The following AIRE variants were observed in gnomAD, a reference collection of about 807,000 sequenced individuals.
AIRE encodes the protein autoimmune regulator.
In AIRE, 52 loss-of-function variants were observed where a neutral mutation model predicts 62.1. The ratio of observed to expected loss-of-function variants is 0.84; its 90% confidence interval spans 0.67 to 1.06. The LOEUF (loss-of-function observed/expected upper bound fraction) is 1.06. Among genes scored for constraint, AIRE ranks in the 50% least tolerant of loss-of-function variants. The probability of loss-of-function intolerance (pLI) is 0.00; values close to 1 mark genes in which losing one functional copy is unlikely to be tolerated. For synonymous variants in AIRE, 342 were observed against 321.6 expected (o/e 1.06, Z -0.68); for missense variants, 774 against 755.8 (o/e 1.02, Z -0.28).
At chr21:44,290,372 CAGG>C in intron 7 of AIRE, 1 of 985,436 alleles carries the variant, frequency 1.0e-6, no homozygotes, top group Non-Finnish European at 1.2e-6. Context: ...CTGCTATAGC[CAGG>C]AGGTCAAGGA....
intron 10 of AIRE, 96 bp from the exon 11 acceptor site, chr21:44,293,693 T>C (rs2040569357): frequency 1.3e-5 from 20 of 1,567,698 alleles, no homozygotes; most frequent in Non-Finnish European, 1.7e-5. Context: ...CGTCCAGCCC[T>C]GGGTGGTCCC....
rs1254160382 is a variant in AIRE, at chr21:44,287,509, C to T, written c.464-8C>T. ...GGAGGCCAGGCTGCCCCCAGCTCCCCCATTCAGGCTCTCAACTGAAGGCCA... is the reference window on the plus strand; with the variant it reads ...GGAGGCCAGGCTGCCCCCAGCTCCCTCATTCAGGCTCTCAACTGAAGGCCA... On this transcript the variant is annotated splice_polypyrimidine_tract_variant and splice_region_variant and intron_variant, in intron 3 of 13. Transcript: ENST00000291582. This position sits in a 1 kb window ranked among gnomAD's most constrained non-coding sequence, Gnocchi z 4.3. The T allele has an allele frequency of 1.3e-6, 2 of 1,551,128 alleles. No individual in the cohort carries two copies. The highest frequency in any genetic ancestry group is 1.7e-6 in the Non-Finnish European group (2 of 1,147,384).
chr21:44,290,309 G>T (rs1234952658), intron 7 of AIRE: 16 of 985,344 alleles, frequency 1.6e-5, no homozygotes, highest in Non-Finnish European at 1.8e-5. Context: ...ATGGCGTTTG[G>T]TCCAGGCTGT....
At position 44,286,468 on chromosome 21, in the gene AIRE, G is replaced by T; in HGVS notation, c.133-89G>T. ...GTCCAGGTCGCCAGCGCCTCTGCCT[G>T]GGAGCTCCACCCTCTAGTCATGATG... On this transcript the variant is annotated intron_variant, in intron 1 of 13. Transcript: ENST00000291582. The surrounding 1 kb of genome is among the most constrained non-coding windows in gnomAD (Gnocchi z 6.0). 1 of 1,431,324 alleles carries T rather than the reference G, an allele frequency of 7.0e-7. No individual in the cohort carries two copies. Among genetic ancestry groups the T allele is most frequent in the Non-Finnish European group, 9.5e-7 (1 of 1,048,918 alleles). The allele number at this position is 1,431,324 out of a possible 1,614,324, so 88.7% of individuals were successfully genotyped here. A position where few individuals can be genotyped will look rare whatever the true frequency, so the allele number is the denominator to read the frequency against.
chr21:44,289,496 A>G, intron 5 of AIRE, 161 bp from the exon 6 acceptor site: 1 of 725,158 alleles, frequency 1.4e-6, no homozygotes, highest in Non-Finnish European at 2.0e-6. Flanking sequence ...ATCCAGGACA[A>G]TCCCCGGGCC....
chr21:44,286,015 G>C lies in AIRE; in HGVS notation c.9G>C (p.Thr3=). The C allele has an allele frequency of 6.5e-7, 1 of 1,531,830 alleles. No individual in the cohort carries two copies. The highest frequency in any genetic ancestry group is 8.7e-7 in the Non-Finnish European group (1 of 1,144,138). 94.9% of individuals were successfully genotyped at this position (1,531,830 alleles called of 1,614,324 possible). MA[T]DAALRRLLRL... is the part of the protein sequence containing the mutation. ...GTCCCCGCGCCCACCCCATGGCGAC[G>C]GACGCGGCGCTACGCCGGCTTCTGA... The change falls in exon 1 of 14, where the codon ACG becomes ACC. Residue 3 remains threonine (T), a synonymous_variant. Coordinates refer to ENST00000291582, the MANE Select transcript of AIRE (RefSeq NM_000383.4). This position sits in a 1 kb window ranked among gnomAD's most constrained non-coding sequence, Gnocchi z 6.0.
Position 44,292,190 on chromosome 21 carries a change from TC to T in AIRE, c.996-107del, listed in dbSNP as rs531232929. 1,881 of 849,730 alleles carry T rather than the reference TC, an allele frequency of 2.2e-3. 4 individuals are homozygous for T. Among genetic ancestry groups the T allele is most frequent in the Non-Finnish European group, 3.2e-3 (1,625 of 507,782 alleles). 52.6% of individuals were successfully genotyped at this position (849,730 alleles called of 1,614,324 possible). A position where few individuals can be genotyped will look rare whatever the true frequency, so the allele number is the denominator to read the frequency against. ...GCCCATCTCTCTGCTGTGCCTCGGT[TC>T]CCCCTCTGTGAAAAGACATGGTCGG... On this transcript the variant is annotated intron_variant, in intron 8 of 13. Coordinates refer to ENST00000291582, the MANE Select transcript of AIRE (RefSeq NM_000383.4).
In AIRE at chr21:44,297,543, C is replaced by T; in HGVS notation, c.1567-113C>T. On this transcript the variant is annotated intron_variant, in intron 13 of 13. Coordinates refer to ENST00000291582, the MANE Select transcript of AIRE (RefSeq NM_000383.4). This position sits in a 1 kb window ranked among gnomAD's most constrained non-coding sequence, Gnocchi z 4.8. ...CATGGGGCCTCGGGCCTCAGTTTCC[C>T]CACCTTTGACTTAGAGGGAAGGTTG... 1 of 1,039,726 alleles carries T rather than the reference C, an allele frequency of 9.6e-7. No individual in the cohort carries two copies. Among genetic ancestry groups the T allele is most frequent in the Non-Finnish European group, 1.5e-6 (1 of 684,140 alleles). The allele number at this position is 1,039,726 out of a possible 1,614,324, so 64.4% of individuals were successfully genotyped here.
Position 44,297,691 on chromosome 21 carries a change from G to C in AIRE, c.1602G>C (p.Gln534His). The change falls in exon 14 of 14, where the codon CAG becomes CAC. Residue 534 changes from glutamine (Q) to histidine (H), a missense_variant. Gln to His is a conservative substitution (Grantham distance 24, BLOSUM62 0). Around this residue, in one of 3 missense-constraint regions of AIRE, gnomAD observed 354 missense variants for 296.1 expected, o/e 1.20. Coordinates refer to ENST00000291582, the MANE Select transcript of AIRE (RefSeq NM_000383.4). The surrounding 1 kb of genome is among the most constrained non-coding windows in gnomAD (Gnocchi z 4.8). ...TFDGILQWAI[Q>H]SMARPAAPFP... ...ATGGCATCCTGCAGTGGGCCATCCA[G>C]AGCATGGCCCGTCCGGCGGCCCCCT... 6 of 1,612,540 alleles carry C rather than the reference G, an allele frequency of 3.7e-6. No individual in the cohort carries two copies. The highest frequency in any genetic ancestry group is 1.6e-4 in the Middle Eastern group (1 of 6,062).
chr21:44,290,827 C>T (rs781767035), intron 7 of AIRE: 48 of 1,563,688 alleles, frequency 3.1e-5, no homozygotes, highest in South Asian at 6.7e-5. Flanking sequence ...TGTACAGTTC[C>T]GGGGCCCCTG....
intron 10 of AIRE, 134 bp downstream of exon 10, chr21:44,293,309 G>T (rs1369374940): frequency 1.2e-5 from 11 of 889,236 alleles, no homozygotes; most frequent in East Asian, 2.7e-5. Flanking sequence ...CTGGGGCTGT[G>T]GGGGGAGCGT....
Position 44,285,946 on chromosome 21 carries a change from G to A in AIRE, c.-61G>A. ...CGCCGGGACCCGAGGCCAAGCGAGG[G>A]GCTGCCAGTGTCCCGGGACCCACCG... On this transcript the variant is annotated 5_prime_UTR_variant, in exon 1 of 14. Coordinates refer to ENST00000291582, the MANE Select transcript of AIRE (RefSeq NM_000383.4). The A allele has an allele frequency of 6.7e-7, 1 of 1,484,490 alleles. No individual in the cohort carries two copies. Among genetic ancestry groups the A allele is most frequent in the East Asian group, 2.7e-5 (1 of 36,398 alleles). The allele number at this position is 1,484,490 out of a possible 1,614,324, so 92.0% of individuals were successfully genotyped here.
At chr21:44,291,392 G>A (rs1754025522) in intron 8 of AIRE, among the ~76,000 whole-genome samples, 182 bp downstream of exon 8, 1 of 152,302 alleles carries the variant, frequency 6.6e-6, no homozygotes, top group African/African-American at 2.4e-5. Context: ...CTGCCTCCCG[G>A]TCTGGCCACA....
intron 7 of AIRE, 76 bp downstream of exon 7, chr21:44,290,144 A>G: frequency 1.3e-6 from 2 of 1,550,546 alleles, no homozygotes; most frequent in Admixed American, 1.9e-5. Flanking sequence ...CTCTGCCTTT[A>G]CCTGGGCACT....
At position 44,287,446 on chromosome 21, in the gene AIRE, C is replaced by G. The variant is rs56171459; in HGVS notation, c.464-71C>G. 1.8e-5 allele frequency: 20 copies of G among 1,119,884 alleles called. No homozygotes were observed. The highest frequency in any genetic ancestry group is 1.8e-5 in the Non-Finnish European group (14 of 757,530). The allele number at this position is 1,119,884 out of a possible 1,614,324, so 69.4% of individuals were successfully genotyped here. ...CCGCCCCCTCCACGCCCTCCCACCGCGGGCCCCTGCCCACCGGCACTCACC... is the reference window on the plus strand; with the variant it reads ...CCGCCCCCTCCACGCCCTCCCACCGGGGGCCCCTGCCCACCGGCACTCACC... On this transcript the variant is annotated intron_variant, in intron 3 of 13. Transcript: ENST00000291582. The surrounding 1 kb of genome is among the most constrained non-coding windows in gnomAD (Gnocchi z 4.3).
rs1057516811 is a variant in AIRE at position 44,296,446 on chromosome 21, G to GT, written c.1566+2dup. ...TGACCTGGAGTCCCTTCTGAGCGAG[G>GT]TAACGCCTCCCCTGGCCTCCTGGTG... is the stretch of plus-strand genomic sequence containing the variant. On this transcript the variant is annotated splice_donor_variant, in intron 13 of 13. Coordinates refer to ENST00000291582, the MANE Select transcript of AIRE (RefSeq NM_000383.4). LOFTEE classifies it high-confidence loss of function. The GT allele has an allele frequency of 6.2e-7, 1 of 1,612,112 alleles. No homozygotes were observed. Among genetic ancestry groups the GT allele is most frequent in the Non-Finnish European group, 8.5e-7 (1 of 1,179,468 alleles).
Position 44,289,756 on chromosome 21 carries a change from G to A in AIRE, c.752G>A (p.Gly251Asp). 6.2e-7 allele frequency: 1 copy of A among 1,612,816 alleles called. No individual in the cohort carries two copies. Among genetic ancestry groups the A allele is most frequent in the Non-Finnish European group, 8.5e-7 (1 of 1,179,972 alleles). Reference protein sequence around the residue: ...SGKNKARSSSGPKPLVRAKGA... With the variant: ...SGKNKARSSSDPKPLVRAKGA... ...AAGAACAAGGCCCGCAGCAGCAGTGGCCCGAAGCCTCTGGTTCGAGCCAAG... is the reference window on the plus strand; with the variant it reads ...AAGAACAAGGCCCGCAGCAGCAGTGACCCGAAGCCTCTGGTTCGAGCCAAG... Residue 251 changes from glycine to aspartate, a missense_variant, in exon 6 of 14, where the codon GGC becomes GAC. This residue lies in a region of AIRE where 385 missense variants were observed against 396.0 expected (regional missense o/e 0.97). Coordinates refer to ENST00000291582, the MANE Select transcript of AIRE (RefSeq NM_000383.4).
Position 44,285,877 on chromosome 21 carries a change from G to C in AIRE, c.-130G>C. The C allele has an allele frequency of 1.1e-6, 1 of 941,566 alleles. No homozygotes were observed. Among genetic ancestry groups the C allele is most frequent in the Non-Finnish European group, 1.4e-6 (1 of 691,126 alleles). The allele number at this position is 941,566 out of a possible 1,614,324, so 58.3% of individuals were successfully genotyped here. The stretch of plus-strand genomic sequence containing the variant: ...AGCGGCGCGCGTGGCTCGCAGACCG[G>C]GGAGACGGGCGGGCGCACAGCCGGC... On this transcript the variant is annotated 5_prime_UTR_variant, in exon 1 of 14. Coordinates refer to ENST00000291582, the MANE Select transcript of AIRE (RefSeq NM_000383.4).
intron 12 of AIRE, 127 bp downstream of exon 12, chr21:44,294,630 C>T (rs1473434666): frequency 2.1e-6 from 1 of 474,954 alleles, no homozygotes; most frequent in East Asian, 3.4e-5. Context: ...ACCAGACGCA[C>T]TGACCATGTG....
Sources: allele counts gnomAD v4.1 joint callset (sites outside exome capture counted in the v4.1 genomes callset), GRCh38; gene constraint gnomAD v4.1.1; regional missense constraint gnomAD v4.1.1; non-coding constraint Gnocchi (gnomAD v3.1); transcripts MANE v1.5; gene names NCBI Gene and HGNC (gene_info 2026-07-23, HGNC 2026-07-21).